The following CFAP47 variants were observed in gnomAD, a reference collection of about 807,000 sequenced individuals.
CFAP47 encodes the protein cilia- and flagella-associated protein 47.
A neutral mutation model predicts 148.1 loss-of-function variants in CFAP47; 29 were observed. The ratio of observed to expected loss-of-function variants is 0.20; its 90% confidence interval spans 0.15 to 0.27. The LOEUF is 0.27. Among genes scored for constraint, CFAP47 ranks in the 10% least tolerant of loss-of-function variants. The pLI is 1.00. For missense variants in CFAP47, 1,872 were observed against 1,697.5 expected, an observed-to-expected ratio of 1.10 and a Z score of -1.81; for synonymous variants, 664 against 577.3, an observed-to-expected ratio of 1.15 and a Z score of -2.15.
intron 57 of CFAP47, among the ~76,000 whole-genome samples, chrX:36,341,974 T>C (rs1209050935): frequency 9.0e-6 from 1 of 110,886 alleles, no homozygotes; most frequent in East Asian, 2.8e-4. Context: ...TTAAATTATA[T>C]AGTGACTGTA....
intron 57 of CFAP47, among the ~76,000 whole-genome samples, chrX:36,342,396 T>G (rs1941661487): frequency 8.9e-6 from 1 of 111,970 alleles, no homozygotes; most frequent in Admixed American, 9.5e-5. Flanking sequence ...TCCCTGGAGC[T>G]AACCGATCAT....
rs782509641 is a variant in CFAP47, at chrX:36,251,330, T to C, written c.7333-3T>C. 4.0e-6 allele frequency: 2 copies of C among 495,962 alleles called. No homozygotes were observed. Among genetic ancestry groups the C allele is most frequent in the South Asian group, 2.7e-5 (1 of 37,308 alleles). The allele number at this position is 495,962 out of a possible 1,213,427, so 40.9% of individuals were successfully genotyped here. ...ATTCTTGTTTCTGAATTATCTCTTA[T>C]AGGTAACTGCAGATCTTCCAATAGT... On this transcript the variant is annotated splice_polypyrimidine_tract_variant and splice_region_variant and intron_variant, in intron 48 of 63. Coordinates refer to ENST00000378653, the MANE Select transcript of CFAP47 (RefSeq NM_001304548.2).
intron 39 of CFAP47, among the ~76,000 whole-genome samples, chrX:36,173,349 A>T: frequency 9.1e-6 from 1 of 110,319 alleles, no homozygotes; most frequent in African/African-American, 3.3e-5. Flanking sequence ...TAGCTTTTGG[A>T]TGTGTTTGCT....
chrX:35,998,299 C>A (rs1222664623), intron 19 of CFAP47, among the ~76,000 whole-genome samples: 1 of 111,216 alleles, frequency 9.0e-6, no homozygotes, highest in African/African-American at 3.3e-5. Flanking sequence ...CACAGACAAA[C>A]ACATACACCA....
intron 4 of CFAP47, among the ~76,000 whole-genome samples, chrX:35,949,651 T>C (rs1332484484): frequency 1.8e-5 from 2 of 111,904 alleles, no homozygotes; most frequent in African/African-American, 3.2e-5. Context: ...GCTTATTAAA[T>C]TATCTTGAGT....
At chrX:36,131,420 G>C (rs185424063) in intron 33 of CFAP47, among the ~76,000 whole-genome samples, 15 of 110,485 alleles carry the variant, frequency 1.4e-4, no homozygotes, top group African/African-American at 4.6e-4. Context: ...GGAAATCTCT[G>C]CACTTTTTGC....
chrX:36,161,363 A>T (rs1222224553), intron 39 of CFAP47, among the ~76,000 whole-genome samples: 1 of 111,734 alleles, frequency 8.9e-6, no homozygotes, highest in Non-Finnish European at 1.9e-5. Context: ...TATAATTAAT[A>T]GATTTTTTAC....
At chrX:36,277,394 G>A (rs1556002875) in intron 49 of CFAP47, among the ~76,000 whole-genome samples, 3 of 112,013 alleles carry the variant, frequency 2.7e-5, no homozygotes, top group Non-Finnish European at 5.6e-5. Context: ...ATCTGTGCCT[G>A]GAGGAATTCA....
intron 33 of CFAP47, among the ~76,000 whole-genome samples, chrX:36,128,835 T>G (rs1199990208): frequency 9.0e-6 from 1 of 110,818 alleles, no homozygotes. Context: ...CCATGATAGT[T>G]AAATTATTTT....
chrX:36,300,249 A>G (rs1345632773), intron 52 of CFAP47, among the ~76,000 whole-genome samples: 1 of 110,423 alleles, frequency 9.1e-6, no homozygotes, highest in Non-Finnish European at 1.9e-5. Flanking sequence ...TCAAGACTGC[A>G]CAAATAAAAG....
intron 2 of CFAP47, among the ~76,000 whole-genome samples, chrX:35,930,755 T>G (rs1057277245): frequency 8.9e-6 from 1 of 111,929 alleles, no homozygotes; most frequent in Non-Finnish European, 1.9e-5. Context: ...CTGATTATTT[T>G]TAAATAAATA....
intron 52 of CFAP47, among the ~76,000 whole-genome samples, chrX:36,299,468 G>A (rs1556007422): frequency 9.0e-6 from 1 of 111,038 alleles, no homozygotes; most frequent in Non-Finnish European, 1.9e-5. Flanking sequence ...TGAGGACTAG[G>A]GATTAAACTT....
intron 33 of CFAP47, among the ~76,000 whole-genome samples, chrX:36,122,287 G>T (rs540057595): frequency 9.0e-6 from 1 of 110,607 alleles, no homozygotes; most frequent in South Asian, 3.9e-4. Context: ...GTCTTCTTTG[G>T]GTTAAATTTG....
At chrX:36,298,906 A>G in intron 51 of CFAP47, 71 bp from the exon 52 acceptor site, 1 of 653,661 alleles carries the variant, frequency 1.5e-6, no homozygotes, top group Non-Finnish European at 2.3e-6. Flanking sequence ...TTTCCTTTAC[A>G]TTTCCTTTCA....
intron 49 of CFAP47, among the ~76,000 whole-genome samples, chrX:36,261,124 C>CT (rs33916345): frequency 0.19 from 14,895 of 77,914 alleles, 1,267 homozygotes; most frequent in South Asian, 0.27. Flanking sequence ...AGTATAGTTT[C>CT]TTTTTTTTTT....
At chrX:36,194,470 T>C (rs1225605550) in intron 42 of CFAP47, among the ~76,000 whole-genome samples, 1 of 111,666 alleles carries the variant, frequency 9.0e-6, no homozygotes, top group African/African-American at 3.3e-5. Context: ...CCAATTCTGG[T>C]ACCAATTTTC....
intron 52 of CFAP47, among the ~76,000 whole-genome samples, chrX:36,300,510 C>T (rs1941288190): frequency 9.0e-6 from 1 of 110,795 alleles, no homozygotes; most frequent in Non-Finnish European, 1.9e-5. Flanking sequence ...AGGCTGGTCT[C>T]GAACTCCTGA....
intron 49 of CFAP47, among the ~76,000 whole-genome samples, chrX:36,256,031 A>G (rs906809119): frequency 8.9e-6 from 1 of 111,945 alleles, no homozygotes; most frequent in Admixed American, 9.5e-5. Context: ...ATAAAACACG[A>G]TTGCTTAATT....
rs184501938 is a variant in CFAP47 at position 35,950,065 on chromosome X, T to C, written c.657-1066T>C. Among the ~76,000 whole-genome samples the C allele has an allele frequency of 6.5e-3, 724 of 111,669 alleles. 3 individuals carry two copies. Among genetic ancestry groups the C allele is most frequent in the Admixed American group, 9.9e-3 (104 of 10,507 alleles). ...TTATCAAGTTTAAAAAAGGTCCCAG[T>C]CTTAGAAGAGTGAGAAGGTGGGGCC... On this transcript the variant is annotated intron_variant, in intron 4 of 63. Coordinates refer to ENST00000378653, the MANE Select transcript of CFAP47 (RefSeq NM_001304548.2).
Sources: allele counts gnomAD v4.1 joint callset (sites outside exome capture counted in the v4.1 genomes callset), GRCh38; gene constraint gnomAD v4.1.1; transcripts MANE v1.5; gene names NCBI Gene and HGNC (gene_info 2026-07-23, HGNC 2026-07-21).